The following BPTF variants were observed in gnomAD, a reference collection of about 807,000 sequenced individuals.
The protein encoded by BPTF is bromodomain PHD finger transcription factor.
BPTF carries 18 observed loss-of-function variants against 292.5 expected under a neutral mutation model. That is an observed-to-expected ratio of 0.06 (90% confidence interval 0.04 to 0.09). The LOEUF (loss-of-function observed/expected upper bound fraction) is 0.09. Ranked by LOEUF, BPTF falls within the 10% of genes least tolerant of loss-of-function variation. BPTF has a pLI of 1.00. For synonymous variants in BPTF, 1,225 were observed against 1,251.9 expected, an observed-to-expected ratio of 0.98 and a Z score of 0.45; for missense variants, 2,726 against 3,498.7, an observed-to-expected ratio of 0.78 and a Z score of 5.57.
chr17:67,978,925 C>T (rs2069931424), intron 27 of BPTF, among the ~76,000 whole-genome samples: 1 of 151,838 alleles, frequency 6.6e-6, no homozygotes, highest in South Asian at 2.1e-4. Context: ...GCCTGTAATC[C>T]CAACACATTG....
chr17:67,876,454 C>T (rs1481274398), intron 4 of BPTF, among the ~76,000 whole-genome samples: 1 of 152,118 alleles, frequency 6.6e-6, no homozygotes, highest in Non-Finnish European at 1.5e-5. Context: ...TCCAGAAGAA[C>T]CACAGCAATC....
intron 4 of BPTF, among the ~76,000 whole-genome samples, chr17:67,885,714 T>C (rs1025313555): frequency 1.3e-5 from 2 of 152,206 alleles, no homozygotes; most frequent in Admixed American, 1.3e-4. Context: ...TTGAGTACTT[T>C]TGAAAAGTAA....
At chr17:67,931,882 TA>T (rs752804882) in intron 17 of BPTF, 28 bp from the exon 18 acceptor site, 104 of 1,537,950 alleles carry the variant, frequency 6.8e-5, no homozygotes, top group East Asian at 5.4e-4. Flanking sequence ...TAAAGCATTT[TA>T]ATTCATTGTT....
chr17:67,976,966 A>T (rs1362374786), intron 27 of BPTF, among the ~76,000 whole-genome samples: 1 of 152,116 alleles, frequency 6.6e-6, no homozygotes, highest in East Asian at 1.9e-4. Context: ...TCGCTATAAA[A>T]TTTCCAAATG....
intron 13 of BPTF, among the ~76,000 whole-genome samples, chr17:67,921,272 C>T (rs2063418875): frequency 1.3e-5 from 2 of 150,624 alleles, no homozygotes; most frequent in African/African-American, 4.9e-5. Flanking sequence ...AGCCTGTAGT[C>T]CCAGCACTTT....
chr17:67,945,566 G>A lies in BPTF; in HGVS notation c.6858G>A (p.Gln2286=). Residue 2286 remains glutamine, a synonymous_variant, in exon 21 of 28, where the codon CAG becomes CAA. Coordinates refer to ENST00000306378, the MANE Select transcript of BPTF (RefSeq NM_182641.4). ...AGCCCCAGCCCCAAACCCAGCCCCAGTCCCCAGCTCAGCCTGAAGTTCAGA... is the reference window on the plus strand; with the variant it reads ...AGCCCCAGCCCCAAACCCAGCCCCAATCCCCAGCTCAGCCTGAAGTTCAGA... ...SAQPQPQTQP[Q]SPAQPEVQTQ... is the part of the protein sequence containing the mutation. 6.2e-7 allele frequency: 1 copy of A among 1,610,030 alleles called. No homozygotes were observed. The highest frequency in any genetic ancestry group is 1.1e-5 in the South Asian group (1 of 90,738).
chr17:67,967,228 G>T (rs141791037), intron 26 of BPTF, among the ~76,000 whole-genome samples: 4,834 of 148,042 alleles, frequency 0.033, 279 homozygotes, highest in African/African-American at 0.11. Flanking sequence ...TACAACCTCC[G>T]CCTCCCAGGT....
In BPTF at chr17:67,935,857, GAAA is replaced by G. The variant is rs544754149; in HGVS notation, c.6259+3843_6259+3845del. On this transcript the variant is annotated intron_variant, in intron 18 of 27. Transcript: ENST00000306378. The stretch of plus-strand genomic sequence containing the variant: ...GCGACAGAGTGAAACTCACAAAACT[GAAA>G]AAAAGAATTTTGTATAGGTATCCTT... Among the ~76,000 whole-genome samples, 333 of 152,020 alleles carry G rather than the reference GAAA, an allele frequency of 2.2e-3. 1 individual carries two copies. The highest frequency in any genetic ancestry group is 7.4e-3 in the African/African-American group (309 of 41,512).
intron 1 of BPTF, among the ~76,000 whole-genome samples, chr17:67,827,353 T>C (rs2056176191): frequency 6.6e-6 from 1 of 152,146 alleles, no homozygotes; most frequent in Non-Finnish European, 1.5e-5. Context: ...TAACCCCTCT[T>C]CTGTTTTCTC....
intron 1 of BPTF, among the ~76,000 whole-genome samples, chr17:67,846,267 A>T (rs1455414187): frequency 6.6e-6 from 1 of 152,188 alleles, no homozygotes; most frequent in East Asian, 1.9e-4. Flanking sequence ...AGGTAGGAGG[A>T]TCACTTGGGC....
intron 7 of BPTF, among the ~76,000 whole-genome samples, chr17:67,900,698 A>G (rs2061773075): frequency 6.6e-6 from 1 of 152,158 alleles, no homozygotes; most frequent in Non-Finnish European, 1.5e-5. Context: ...CGATACTAAT[A>G]TTTGATCTAG....
rs1382675303 is a variant in BPTF at position 67,844,239 on chromosome 17, A to T, written c.614-9701A>T. On this transcript the variant is annotated intron_variant, in intron 1 of 27. Transcript: ENST00000306378. ...GCTGGGACTACAGGCATGCACCACC[A>T]TGTCTGGCGAATTTTTTTTTTTTTT... Among the ~76,000 whole-genome samples, 12 of 147,322 alleles carry T rather than the reference A, an allele frequency of 8.1e-5. 1 individual carries two copies. Among genetic ancestry groups the T allele is most frequent in the Admixed American group, 7.5e-4 (11 of 14,762 alleles).
intron 7 of BPTF, among the ~76,000 whole-genome samples, chr17:67,896,263 A>G (rs1045835423): frequency 6.6e-6 from 1 of 152,186 alleles, no homozygotes; most frequent in African/African-American, 2.4e-5. Context: ...CACCCAGCCA[A>G]TATTGGGCAT....
chr17:67,883,686 GC>G (rs1484621422), intron 4 of BPTF, among the ~76,000 whole-genome samples: 21 of 151,928 alleles, frequency 1.4e-4, no homozygotes, highest in African/African-American at 4.6e-4. Context: ...AGCAACCTCC[GC>G]CCCCCTGGGT....
intron 23 of BPTF, chr17:67,957,031 C>G (rs2067017433): frequency 6.6e-6 from 1 of 151,528 alleles, no homozygotes; most frequent in South Asian, 2.1e-4. Flanking sequence ...GCCTGTAATC[C>G]TAGCACTTTG....
At chr17:67,840,753 G>A (rs1284388119) in intron 1 of BPTF, among the ~76,000 whole-genome samples, 1 of 151,080 alleles carries the variant, frequency 6.6e-6, no homozygotes, top group Non-Finnish European at 1.5e-5. Context: ...AGTAGAGATG[G>A]GGTTTCACTA....
chr17:67,944,086 T>TA lies in BPTF; in HGVS notation c.6478-59dup. ...ATAATTACACATAAAAATGATTTAA[T>TA]AAAAATGATATACATACAGATTGAT... is the stretch of plus-strand genomic sequence containing the variant. On this transcript the variant is annotated intron_variant, in intron 19 of 27. Coordinates refer to ENST00000306378, the MANE Select transcript of BPTF (RefSeq NM_182641.4). 2.5e-6 allele frequency: 3 copies of TA among 1,192,248 alleles called. No individual in the cohort carries two copies. In the Admixed American group the frequency reaches 5.9e-5, roughly 23 times the overall value. The allele number at this position is 1,192,248 out of a possible 1,614,324, so 73.9% of individuals were successfully genotyped here.
intron 19 of BPTF, among the ~76,000 whole-genome samples, chr17:67,941,226 G>A (rs1555671838): frequency 1.3e-5 from 2 of 152,210 alleles, no homozygotes; most frequent in Non-Finnish European, 2.9e-5. Context: ...CAGGGCGGGT[G>A]GATTGCTTGA....
intron 4 of BPTF, among the ~76,000 whole-genome samples, chr17:67,886,570 T>G (rs1277839722): frequency 2.0e-5 from 3 of 152,132 alleles, no homozygotes; most frequent in African/African-American, 7.2e-5. Flanking sequence ...AGAAAGATCC[T>G]TTTCATACTC....
Sources: allele counts gnomAD v4.1 joint callset (sites outside exome capture counted in the v4.1 genomes callset), GRCh38; gene constraint gnomAD v4.1.1; transcripts MANE v1.5; gene names NCBI Gene and HGNC (gene_info 2026-07-23, HGNC 2026-07-21).